AFG1L: variants seen among roughly 807,000 people sequenced by gnomAD.
AFG1L encodes AFG1 like ATPase, also known as AFG1-like ATPase.
In AFG1L, 53 loss-of-function variants were observed where a neutral mutation model predicts 62.2. That is an observed-to-expected ratio of 0.85 (90% confidence interval 0.68 to 1.07). AFG1L has a LOEUF of 1.07. Ranked by LOEUF, AFG1L falls within the 50% of genes least tolerant of loss-of-function variation. The pLI, the probability that AFG1L is intolerant of heterozygous loss-of-function variation, is 0.00. For missense variants in AFG1L, 555 were observed against 590.5 expected, an observed-to-expected ratio of 0.94 and a Z score of 0.62; for synonymous variants, 228 against 210.3, an observed-to-expected ratio of 1.08 and a Z score of -0.73.
intron 5 of AFG1L, among the ~76,000 whole-genome samples, chr6:108,358,517 A>G (rs1160984241): frequency 1.3e-5 from 2 of 152,008 alleles, no homozygotes; most frequent in Non-Finnish European, 2.9e-5. Context: ...CAGAGAAATG[A>G]TTGGCTTTTT....
intron 1 of AFG1L, among the ~76,000 whole-genome samples, chr6:108,306,265 A>T (rs190278696): frequency 1.3e-5 from 2 of 152,350 alleles, no homozygotes; most frequent in African/African-American, 4.8e-5. Flanking sequence ...TGGGCCATAT[A>T]GTCAAACAAT....
chr6:108,397,235 C>T (rs1781354914), intron 6 of AFG1L, among the ~76,000 whole-genome samples: 1 of 152,166 alleles, frequency 6.6e-6, no homozygotes, highest in African/African-American at 2.4e-5. Flanking sequence ...TCAAGCGATT[C>T]TCCTGCCTCA....
chr6:108,359,126 C>T (rs970337932), intron 5 of AFG1L: 3 of 152,048 alleles, frequency 2.0e-5, no homozygotes, highest in East Asian at 1.9e-4. Context: ...CCAACATAGT[C>T]GTAATGTTTT....
At chr6:108,497,917 G>A (rs796569592) in intron 10 of AFG1L, among the ~76,000 whole-genome samples, 5 of 152,074 alleles carry the variant, frequency 3.3e-5, no homozygotes, top group South Asian at 4.1e-4. Flanking sequence ...GTAACAATAA[G>A]CATTTGTTAT....
Position 108,402,031 on chromosome 6 carries a change from G to A in AFG1L, c.784G>A (p.Val262Ile), listed in dbSNP as rs751550843. The change falls in exon 7 of 13, where the codon GTA (valine) becomes ATA (isoleucine). Residue 262 changes from valine to isoleucine, a missense_variant. Physicochemically the swap from Val to Ile is conservative, Grantham distance 29. Transcript: ENST00000368977. ...AAATGGACTCCAAAGAGCTAACTTT[G>A]TACCATTCATAGCAGTCTTGAAGGT... Reference protein sequence around the residue: ...YKNGLQRANFVPFIAVLKEYC... With the variant: ...YKNGLQRANFIPFIAVLKEYC... 4.6e-6 allele frequency: 7 copies of A among 1,518,120 alleles called. No individual in the cohort carries two copies. The highest frequency in any genetic ancestry group is 6.2e-6 in the Non-Finnish European group (7 of 1,127,318). 94.0% of individuals were successfully genotyped at this position (1,518,120 alleles called of 1,614,324 possible). A position where few individuals can be genotyped will look rare whatever the true frequency, so the allele number is the denominator to read the frequency against.
chr6:108,403,994 G>A lies in AFG1L; in HGVS notation c.807+1940G>A, dbSNP rs749179603. Among the ~76,000 whole-genome samples, 30 of 152,058 alleles carry A rather than the reference G, an allele frequency of 2.0e-4. 1 individual carries two copies. The highest frequency in any genetic ancestry group is 4.1e-4 in the South Asian group (2 of 4,822). On this transcript the variant is annotated intron_variant, in intron 7 of 12. Transcript: ENST00000368977. ...TAAATACCAGATTAGATGAGAAAAG[G>A]TCTAAAATATCTAATTTATTCAAGA...
rs146638357 is a variant in AFG1L, at chr6:108,495,626, A to G, written c.1063-14586A>G. Among the ~76,000 whole-genome samples the G allele has an allele frequency of 9.8e-5, 15 of 152,356 alleles. No homozygotes were observed. The East Asian group carries it at 2.9e-3, about 29-fold the overall frequency. The stretch of plus-strand genomic sequence containing the variant: ...ACAACTGGACCATTTCACATATAGG[A>G]GAAAAAAGACAGCAAGCAAGCTCTT... On this transcript the variant is annotated intron_variant, in intron 10 of 12. Transcript: ENST00000368977.
At chr6:108,368,210 ATGTT>A (rs1779841307) in intron 6 of AFG1L, among the ~76,000 whole-genome samples, 1 of 151,414 alleles carries the variant, frequency 6.6e-6, no homozygotes, top group African/African-American at 2.4e-5. Context: ...CAAATGGAGT[ATGTT>A]TGAAGTATTT....
At chr6:108,462,087 T>C (rs1390604968) in intron 8 of AFG1L, among the ~76,000 whole-genome samples, 1 of 146,412 alleles carries the variant, frequency 6.8e-6, no homozygotes. Flanking sequence ...AGAGCAAGAC[T>C]CCGTCTCAAA....
chr6:108,468,955 G>A lies in AFG1L; in HGVS notation c.891-7910G>A, dbSNP rs555512009. Among the ~76,000 whole-genome samples the A allele has an allele frequency of 3.9e-5, 6 of 152,014 alleles. No individual in the cohort carries two copies. In the South Asian group the frequency reaches 1.2e-3, roughly 32 times the overall value. ...ATTCTCTCCAAGCATATTATAGTGT[G>A]TTCTTCCCTTTCTGCTCTCTTATTT... On this transcript the variant is annotated intron_variant, in intron 8 of 12. Transcript: ENST00000368977.
At chr6:108,363,391 T>G (rs968452166) in intron 5 of AFG1L, among the ~76,000 whole-genome samples, 2 of 152,166 alleles carry the variant, frequency 1.3e-5, no homozygotes, top group African/African-American at 2.4e-5. Flanking sequence ...TACACTCAAG[T>G]AGGCGCATTT....
rs548693412 is a variant in AFG1L at position 108,455,989 on chromosome 6, A to AT, written c.890+8699dup. Among the ~76,000 whole-genome samples, 8 of 152,112 alleles carry AT rather than the reference A, an allele frequency of 5.3e-5. No individual in the cohort carries two copies. In the South Asian group the frequency reaches 1.5e-3, roughly 28 times the overall value. On this transcript the variant is annotated intron_variant, in intron 8 of 12. Transcript: ENST00000368977. ...GTTCAAGTCTCCTATATTCTTACTG[A>AT]TTTTTTGTCTTCTTTTTCTATTAAG...
chr6:108,439,335 G>T lies in AFG1L; in HGVS notation c.808-7879G>T, dbSNP rs1047874093. Among the ~76,000 whole-genome samples, 3 of 152,236 alleles carry T rather than the reference G, an allele frequency of 2.0e-5. No individual in the cohort carries two copies. In the East Asian group the frequency reaches 5.8e-4, roughly 29 times the overall value. ...CTGTAGTATTCAATTATGTTTGTTA[G>T]GTTGATCCAAAATAAATATTAAATT... is the stretch of plus-strand genomic sequence containing the variant. On this transcript the variant is annotated intron_variant, in intron 7 of 12. Transcript: ENST00000368977.
chr6:108,320,020 A>G (rs909901933), intron 1 of AFG1L, among the ~76,000 whole-genome samples: 4 of 152,114 alleles, frequency 2.6e-5, no homozygotes, highest in Admixed American at 2.0e-4. Flanking sequence ...TAAATTGAGG[A>G]TTCTATGGAA....
chr6:108,471,288 C>G (rs1772882874), intron 8 of AFG1L, among the ~76,000 whole-genome samples: 1 of 152,104 alleles, frequency 6.6e-6, no homozygotes, highest in Non-Finnish European at 1.5e-5. Flanking sequence ...CCGTATAAGA[C>G]TGAACTAAAT....
At chr6:108,343,417 C>T (rs1010773285) in intron 2 of AFG1L, among the ~76,000 whole-genome samples, 3 of 151,962 alleles carry the variant, frequency 2.0e-5, no homozygotes, top group African/African-American at 4.8e-5. Flanking sequence ...TTTCTTCATT[C>T]CTTTTCCCTG....
chr6:108,483,083 A>G (rs1454842353), intron 10 of AFG1L, among the ~76,000 whole-genome samples: 2 of 152,202 alleles, frequency 1.3e-5, no homozygotes, highest in Non-Finnish European at 2.9e-5. Flanking sequence ...CTTCAACCCA[A>G]ATAACTGAGT....
chr6:108,337,132 T>C (rs1778503636), intron 2 of AFG1L, among the ~76,000 whole-genome samples: 1 of 152,208 alleles, frequency 6.6e-6, no homozygotes, highest in African/African-American at 2.4e-5. Context: ...GTAGCTAGAT[T>C]ACAAGTGCAA....
chr6:108,377,127 C>T (rs975374037), intron 6 of AFG1L, among the ~76,000 whole-genome samples: 2 of 151,632 alleles, frequency 1.3e-5, no homozygotes, highest in African/African-American at 2.4e-5. Context: ...TTACTTGGAG[C>T]GTATGGGTGT....
Sources: gnomAD v4.1 joint callset for allele counts (sites outside exome capture counted in the v4.1 genomes callset) on GRCh38, gnomAD v4.1.1 for gene constraint, MANE v1.5 for transcripts, NCBI Gene and HGNC (gene_info 2026-07-23, HGNC 2026-07-21) for gene names.